The following PKHD1L1 variants were observed in gnomAD, a reference collection of about 807,000 sequenced individuals.
PKHD1L1 encodes the protein fibrocystin-L.
In PKHD1L1, 434 loss-of-function variants were observed where a neutral mutation model predicts 462.9. The observed-to-expected ratio is 0.94, with a 90% CI of 0.87 to 1.02. PKHD1L1 has a LOEUF of 1.02. PKHD1L1 is among the 50% of genes least tolerant of loss of function. PKHD1L1 has a pLI of 0.00. For synonymous variants in PKHD1L1, 1,781 were observed against 1,750.0 expected (o/e 1.02, Z -0.44); for missense variants, 5,202 against 5,096.1 (o/e 1.02, Z -0.63).
intron 20 of PKHD1L1, 53 bp from the exon 21 acceptor site, chr8:109,413,368 A>C (rs1813960647): frequency 8.3e-7 from 1 of 1,206,140 alleles, no homozygotes; most frequent in Non-Finnish European, 1.1e-6. Context: ...AATTGTTGTG[A>C]AACAATGTAA....
chr8:109,424,955 A>G (rs1814660411), intron 23 of PKHD1L1, 130 bp from the exon 24 acceptor site: 2 of 750,624 alleles, frequency 2.7e-6, no homozygotes, highest in Non-Finnish European at 4.1e-6. Flanking sequence ...ACACTCCTTA[A>G]TGTTCTGAAG....
At chr8:109,449,595 CTT>C (rs1816369237) in intron 40 of PKHD1L1, 108 bp downstream of exon 40, 1 of 952,142 alleles carries the variant, frequency 1.1e-6, no homozygotes, top group African/African-American at 1.7e-5. Flanking sequence ...AATTAAATCA[CTT>C]TATGACTGTC....
At chr8:109,426,122 G>C (rs776674567) in intron 24 of PKHD1L1, among the ~76,000 whole-genome samples, 1 of 151,936 alleles carries the variant, frequency 6.6e-6, no homozygotes, top group African/African-American at 2.4e-5. Flanking sequence ...ACATTTTTAT[G>C]TTTTTGTCAC....
intron 70 of PKHD1L1, among the ~76,000 whole-genome samples, chr8:109,508,510 A>G (rs1348436075): frequency 6.6e-6 from 1 of 152,054 alleles, no homozygotes; most frequent in African/African-American, 2.4e-5. Context: ...AGAGGGATGG[A>G]GAGGAGAGCA....
intron 6 of PKHD1L1, among the ~76,000 whole-genome samples, chr8:109,386,643 TA>T (rs147377049): frequency 0.011 from 1,643 of 152,280 alleles, 24 homozygotes; most frequent in African/African-American, 0.035. Context: ...TTATGTGTAA[TA>T]AAAGAACTTC....
At chr8:109,456,418 G>A (rs1366721731) in intron 46 of PKHD1L1, 27 bp downstream of exon 46, 1 of 1,563,494 alleles carries the variant, frequency 6.4e-7, no homozygotes, top group Non-Finnish European at 8.6e-7. Context: ...GCTTAATGAT[G>A]TGTATTTAGA....
intron 50 of PKHD1L1, among the ~76,000 whole-genome samples, chr8:109,467,087 AT>A (rs1234392613): frequency 1.3e-5 from 2 of 152,038 alleles, no homozygotes; most frequent in Non-Finnish European, 2.9e-5. Flanking sequence ...AATGTTTTTG[AT>A]TGTCCTTGCT....
At position 109,381,421 on chromosome 8, in the gene PKHD1L1, G is replaced by A. The variant is rs1441436879; in HGVS notation, c.215G>A (p.Gly72Glu). The A allele has an allele frequency of 1.9e-6, 3 of 1,583,464 alleles. No individual in the cohort carries two copies. The African/African-American group carries it at 4.0e-5, about 21-fold the overall frequency. ...TATGGAGTTGATAACGCTGAGTTGG[G>A]AAACAGTGTGCAATTAATTTCTTCT... ...FNYGVDNAEL[G>E]NSVQLISSFQ... The change falls in exon 3 of 78, where the codon GGA becomes GAA. Residue 72 changes from glycine (G) to glutamate (E), a missense_variant. Physicochemically the swap from Gly to Glu is moderately conservative, Grantham distance 98. This residue lies in a region of PKHD1L1 where 4,497 missense variants were observed against 4,336.8 expected (regional missense o/e 1.04). Coordinates refer to ENST00000378402, the MANE Select transcript of PKHD1L1 (RefSeq NM_177531.6).
chr8:109,410,992 G>T (rs1488560730), intron 19 of PKHD1L1, among the ~76,000 whole-genome samples: 2 of 151,950 alleles, frequency 1.3e-5, no homozygotes, highest in East Asian at 3.9e-4. Flanking sequence ...CTCCCAAAGT[G>T]CTGGGATTAC....
chr8:109,463,243 G>A (rs557226908), intron 48 of PKHD1L1, among the ~76,000 whole-genome samples: 9 of 152,172 alleles, frequency 5.9e-5, no homozygotes, highest in Admixed American at 3.9e-4. Context: ...GTATAATCAC[G>A]GTTTGGCATA....
At position 109,459,722 on chromosome 8, in the gene PKHD1L1, C is replaced by T; in HGVS notation, c.7132C>T (p.Leu2378=). The change falls in exon 47 of 78, where the codon CTG becomes TTG. Residue 2378 remains leucine (L), a synonymous_variant. Coordinates refer to ENST00000378402, the MANE Select transcript of PKHD1L1 (RefSeq NM_177531.6). ...TACGGTCACACTCCCTGATGGAACT[C>T]TGTTTGAAGCAAGAGCAGAAGTTGG... ...GITVTLPDGT[L]FEARAEVGIL... 1 of 1,612,114 alleles carries T rather than the reference C, an allele frequency of 6.2e-7. No homozygotes were observed. The highest frequency in any genetic ancestry group is 1.1e-5 in the South Asian group (1 of 90,866).
chr8:109,522,098 T>C (rs1820579362), intron 73 of PKHD1L1, 88 bp from the exon 74 acceptor site: 2 of 1,306,798 alleles, frequency 1.5e-6, no homozygotes, highest in Non-Finnish European at 2.1e-6. Context: ...GATGGAGCAA[T>C]GCAAAGAATG....
At chr8:109,415,314 T>A (rs1169568109) in intron 21 of PKHD1L1, among the ~76,000 whole-genome samples, 2 of 152,098 alleles carry the variant, frequency 1.3e-5, no homozygotes, top group African/African-American at 4.8e-5. Context: ...CCCCCAACAC[T>A]ATTTTCAAAA....
chr8:109,480,009 A>C lies in PKHD1L1; in HGVS notation c.9197A>C (p.Asp3066Ala). 1 of 1,586,772 alleles carries C rather than the reference A, an allele frequency of 6.3e-7. No individual in the cohort carries two copies. The highest frequency in any genetic ancestry group is 8.5e-7 in the Non-Finnish European group (1 of 1,170,152). The change falls in exon 55 of 78, where the codon GAC (aspartate) becomes GCC (alanine). Residue 3066 changes from aspartate (D) to alanine (A), a missense_variant. Around this residue, in one of 3 missense-constraint regions of PKHD1L1, gnomAD observed 4,497 missense variants for 4,336.8 expected, o/e 1.04. Transcript: ENST00000378402. ...TTTATAGGAACATGGATTGTAGCTG[A>C]CATAGATATGCCATCAATGGAAAGA... ...IIPEGTWIVA[D>A]IDMPSMERLI...
At position 109,405,091 on chromosome 8, in the gene PKHD1L1, C is replaced by A; in HGVS notation, c.1630C>A (p.Leu544Ile). 6.6e-7 allele frequency: 1 copy of A among 1,508,668 alleles called. No individual in the cohort carries two copies. Among genetic ancestry groups the A allele is most frequent in the Non-Finnish European group, 9.0e-7 (1 of 1,105,228 alleles). 93.5% of individuals were successfully genotyped at this position (1,508,668 alleles called of 1,614,324 possible). ...ATGTGTGGAAGCTAATTCATGTTCACTTTACCAATATAGATTAATCTATAA... is the reference window on the plus strand; with the variant it reads ...ATGTGTGGAAGCTAATTCATGTTCAATTTACCAATATAGATTAATCTATAA... ...SPCVEANSCS[L>I]YQYRLIYNME... Residue 544 changes from leucine to isoleucine, a missense_variant, in exon 16 of 78, where the codon CTT becomes ATT. By Grantham distance (5) the Leu-to-Ile change is conservative. Transcript: ENST00000378402.
rs764687323 is a variant in PKHD1L1 at position 109,526,851 on chromosome 8, G to A, written c.12552G>A (p.Leu4184=). ...GGGTAGAATCCAGAACTTTCAGCCTGCTGGCAGAGTCTGTCTCTAGCAGTG... is the reference window on the plus strand; with the variant it reads ...GGGTAGAATCCAGAACTTTCAGCCTACTGGCAGAGTCTGTCTCTAGCAGTG... ...VVGVESRTFS[L]LAESVSSSGS... The change falls in exon 77 of 78, where the codon CTG becomes CTA. Residue 4184 remains leucine (L), a synonymous_variant. Coordinates refer to ENST00000378402, the MANE Select transcript of PKHD1L1 (RefSeq NM_177531.6). 2.5e-5 allele frequency: 40 copies of A among 1,596,488 alleles called. No individual in the cohort carries two copies. Among genetic ancestry groups the A allele is most frequent in the Non-Finnish European group, 1.1e-5 (13 of 1,170,936 alleles).
At position 109,485,120 on chromosome 8, in the gene PKHD1L1, T is replaced by C; in HGVS notation, c.9653T>C (p.Leu3218Pro). Reference protein sequence around the residue: ...QTETRSIVKILHDHKILILND... With the variant: ...QTETRSIVKIPHDHKILILND... ...GAAACAAGAAGTATCGTTAAAATCCTGCATGATCATAAAATTCTCATTCTT... is the reference window on the plus strand; with the variant it reads ...GAAACAAGAAGTATCGTTAAAATCCCGCATGATCATAAAATTCTCATTCTT... Residue 3218 changes from leucine (L) to proline (P), a missense_variant, in exon 58 of 78, where the codon CTG becomes CCG. This residue lies in a region of PKHD1L1 where 4,497 missense variants were observed against 4,336.8 expected (regional missense o/e 1.04). Coordinates refer to ENST00000378402, the MANE Select transcript of PKHD1L1 (RefSeq NM_177531.6). 6.3e-7 allele frequency: 1 copy of C among 1,599,870 alleles called. No homozygotes were observed.
rs773276585 is a variant in PKHD1L1 at position 109,389,110 on chromosome 8, G to C, written c.655G>C (p.Asp219His). The C allele has an allele frequency of 2.0e-5, 33 of 1,610,788 alleles. No homozygotes were observed. The highest frequency in any genetic ancestry group is 2.1e-5 in the Non-Finnish European group (25 of 1,177,900). The change falls in exon 8 of 78, where the codon GAT becomes CAT. Residue 219 changes from aspartate to histidine, a missense_variant. This residue lies in a region of PKHD1L1 where 4,497 missense variants were observed against 4,336.8 expected (regional missense o/e 1.04). Coordinates refer to ENST00000378402, the MANE Select transcript of PKHD1L1 (RefSeq NM_177531.6). ...TCTAAAACTGGATCATCCAAATGGA[G>C]ATATGGGTTCTATGGTTTGTAAGAC... ...YGLKLDHPNGDMGSMVCKTTG... is the reference protein window; with the variant it reads ...YGLKLDHPNGHMGSMVCKTTG...
chr8:109,441,526 A>C, intron 34 of PKHD1L1, 147 bp downstream of exon 34: 1 of 608,832 alleles, frequency 1.6e-6, no homozygotes, highest in Non-Finnish European at 2.8e-6. Context: ...CTTGACATAG[A>C]GGGTCACATA....
Sources: allele counts gnomAD v4.1 joint callset (sites outside exome capture counted in the v4.1 genomes callset), GRCh38; gene constraint gnomAD v4.1.1; regional missense constraint gnomAD v4.1.1; transcripts MANE v1.5; gene names NCBI Gene and HGNC (gene_info 2026-07-23, HGNC 2026-07-21).